Variants in MANEA observed in about 807,000 individuals in gnomAD.
MANEA encodes mannosidase endo-alpha, also known as glycoprotein endo-alpha-1,2-mannosidase.
In MANEA, 25 loss-of-function variants were observed where a neutral mutation model predicts 36.8. The ratio of observed to expected loss-of-function variants is 0.68; its 90% CI spans 0.50 to 0.95. The LOEUF is 0.95. Among genes scored for constraint, MANEA ranks in the 40% least tolerant of loss-of-function variants. MANEA has a pLI of 0.00. For synonymous variants in MANEA, 198 were observed against 188.5 expected (o/e 1.05, Z -0.41); for missense variants, 565 against 558.8 (o/e 1.01, Z -0.11).
Position 95,609,043 on chromosome 6 carries a change from C to T in MANEA, c.*2638C>T, listed in dbSNP as rs1769770509. 6.6e-6 allele frequency: 1 copy of T among 151,734 alleles called. No homozygotes were observed. Among genetic ancestry groups the T allele is most frequent in the African/African-American group, 2.4e-5 (1 of 41,382 alleles). The allele number at this position is 151,734 out of a possible 1,614,324, so 9.4% of individuals were successfully genotyped here. ...AGAGAGGAAAACTTTCAAAATCTTC[C>T]TCAGGTATTTATTACAACTGCCTTT... On this transcript the variant is annotated 3_prime_UTR_variant, in exon 5 of 5. Coordinates refer to ENST00000358812, the MANE Select transcript of MANEA (RefSeq NM_024641.4).
At chr6:95,591,660 C>T (rs1769387326) in intron 2 of MANEA, among the ~76,000 whole-genome samples, 1 of 151,168 alleles carries the variant, frequency 6.6e-6, no homozygotes, top group Non-Finnish European at 1.5e-5. Context: ...TAATCTGTTG[C>T]TTTGTGTCTT....
rs1660240250 is a variant in MANEA, at chr6:95,606,931, A to G, written c.*526A>G. 1 of 152,162 alleles carries G rather than the reference A, an allele frequency of 6.6e-6. No individual in the cohort carries two copies. The highest frequency in any genetic ancestry group is 2.4e-5 in the African/African-American group (1 of 41,446). 9.4% of individuals were successfully genotyped at this position (152,162 alleles called of 1,614,324 possible). On this transcript the variant is annotated 3_prime_UTR_variant, in exon 5 of 5. Transcript: ENST00000358812. The stretch of plus-strand genomic sequence containing the variant: ...TACAATAATGAGGAAATTCTTAAGA[A>G]TAACAAAATCACTGTACCTTCCTCT...
chr6:95,593,546 T>A (rs1769425206), intron 2 of MANEA, among the ~76,000 whole-genome samples: 1 of 152,236 alleles, frequency 6.6e-6, no homozygotes, highest in African/African-American at 2.4e-5. Flanking sequence ...ATTCTCTATC[T>A]GTGCTGCCTA....
intron 1 of MANEA, among the ~76,000 whole-genome samples, chr6:95,580,076 G>GT (rs1272957701): frequency 2.0e-5 from 3 of 152,016 alleles, no homozygotes; most frequent in Non-Finnish European, 2.9e-5. Flanking sequence ...GTTTTACAGC[G>GT]TTGAAGATGA....
chr6:95,603,318 C>G (rs1420863179), intron 3 of MANEA, among the ~76,000 whole-genome samples: 1 of 151,750 alleles, frequency 6.6e-6, no homozygotes, highest in East Asian at 1.9e-4. Context: ...AAGAATTACC[C>G]AAGGAAACAT....
At chr6:95,583,787 T>G (rs1430981231) in intron 1 of MANEA, among the ~76,000 whole-genome samples, 2 of 152,174 alleles carry the variant, frequency 1.3e-5, no homozygotes, top group Non-Finnish European at 2.9e-5. Flanking sequence ...AAACTAGACA[T>G]GTCTTTTATA....
chr6:95,596,839 A>T lies in MANEA; in HGVS notation c.647A>T (p.Asn216Ile). The change falls in exon 3 of 5, where the codon AAC (asparagine) becomes ATC (isoleucine). Residue 216 changes from asparagine (N) to isoleucine (I), a missense_variant. Asn to Ile is a moderately radical substitution (Grantham distance 149). Transcript: ENST00000358812. ...ATTTTGGATAAAGCTCATAAATATAACCTAAAGGTATTTTATTTTATTTTC... is the reference window on the plus strand; with the variant it reads ...ATTTTGGATAAAGCTCATAAATATATCCTAAAGGTATTTTATTTTATTTTC... ...PTILDKAHKY[N>I]LKVTFHIEPY... is the part of the protein sequence containing the mutation. The T allele has an allele frequency of 6.8e-7, 1 of 1,474,012 alleles. No individual in the cohort carries two copies. The highest frequency in any genetic ancestry group is 9.5e-7 in the Non-Finnish European group (1 of 1,054,328). The allele number at this position is 1,474,012 out of a possible 1,614,324, so 91.3% of individuals were successfully genotyped here. A position where few individuals can be genotyped will look rare whatever the true frequency, so the allele number is the denominator to read the frequency against.
At position 95,606,172 on chromosome 6, in the gene MANEA, C is replaced by T; in HGVS notation, c.1156C>T (p.Leu386=). 2 of 1,614,066 alleles carry T rather than the reference C, an allele frequency of 1.2e-6. No individual in the cohort carries two copies. The highest frequency in any genetic ancestry group is 1.7e-6 in the Non-Finnish European group (2 of 1,179,984). The change falls in exon 5 of 5, where the codon CTG becomes TTG. Residue 386 remains leucine, a synonymous_variant. Coordinates refer to ENST00000358812, the MANE Select transcript of MANEA (RefSeq NM_024641.4). ...RINGKYYEIG[L]SAALQTRPSL... ...CAATGGGAAGTATTATGAAATTGGT[C>T]TGAGTGCCGCACTTCAGACACGCCC... is the stretch of plus-strand genomic sequence containing the variant.
At chr6:95,592,920 T>C (rs1206914434) in intron 2 of MANEA, among the ~76,000 whole-genome samples, 1 of 152,192 alleles carries the variant, frequency 6.6e-6, no homozygotes, top group Non-Finnish European at 1.5e-5. Flanking sequence ...TGCATCACTT[T>C]ACTAACAACA....
Position 95,608,317 on chromosome 6 carries a change from T to C in MANEA, c.*1912T>C, listed in dbSNP as rs1007048084. The stretch of plus-strand genomic sequence containing the variant: ...ATCTACCACAGAGGAGTTTTTGTCA[T>C]TGTGTACGTTGTGTATTTGAACCCA... On this transcript the variant is annotated 3_prime_UTR_variant, in exon 5 of 5. Transcript: ENST00000358812. The C allele has an allele frequency of 6.6e-6, 1 of 151,934 alleles. No individual in the cohort carries two copies. The highest frequency in any genetic ancestry group is 1.9e-4 in the East Asian group (1 of 5,194). The allele number at this position is 151,934 out of a possible 1,614,324, so 9.4% of individuals were successfully genotyped here.
At chr6:95,592,473 T>G (rs1769402150) in intron 2 of MANEA, among the ~76,000 whole-genome samples, 1 of 152,214 alleles carries the variant, frequency 6.6e-6, no homozygotes, top group Non-Finnish European at 1.5e-5. Flanking sequence ...TTCTGTACCT[T>G]GTAAAATTTT....
chr6:95,605,636 T>A (rs775223635), intron 4 of MANEA, 112 bp from the exon 5 acceptor site: 90 of 684,842 alleles, frequency 1.3e-4, no homozygotes, highest in Middle Eastern at 2.9e-4. Flanking sequence ...CCCTAAGAAA[T>A]GGAGCAGTGT....
chr6:95,586,448 G>A lies in MANEA; in HGVS notation c.9G>A (p.Lys3=), dbSNP rs1316538283. Residue 3 remains lysine (K), a synonymous_variant, in exon 2 of 5, where the codon AAG becomes AAA. Coordinates refer to ENST00000358812, the MANE Select transcript of MANEA (RefSeq NM_024641.4). ...GTTTAAAGTATGTCATCATGGCAAA[G>A]TTTCGGAGAAGGACTTGCATCATTT... MA[K]FRRRTCIILA... is the part of the protein sequence containing the mutation. 1 of 1,605,412 alleles carries A rather than the reference G, an allele frequency of 6.2e-7. No individual in the cohort carries two copies. Among genetic ancestry groups the A allele is most frequent in the Middle Eastern group, 1.7e-4 (1 of 5,996 alleles).
intron 2 of MANEA, 37 bp downstream of exon 2, chr6:95,587,020 T>G (rs1259872162): frequency 9.6e-7 from 1 of 1,038,948 alleles, no homozygotes; most frequent in African/African-American, 1.6e-5. Flanking sequence ...TGTTTGTGTC[T>G]GTATATATGC....
chr6:95,591,456 A>T (rs971308962), intron 2 of MANEA, among the ~76,000 whole-genome samples: 1 of 151,900 alleles, frequency 6.6e-6, no homozygotes, highest in Non-Finnish European at 1.5e-5. Context: ...GCCGTAATTT[A>T]AAAAAATCTT....
chr6:95,578,991 G>A (rs1298777477), intron 1 of MANEA, among the ~76,000 whole-genome samples: 3 of 152,170 alleles, frequency 2.0e-5, no homozygotes, highest in Non-Finnish European at 4.4e-5. Flanking sequence ...ATTAACCTTA[G>A]ATTGGTTTCT....
At chr6:95,602,174 G>A (rs1219917255) in intron 3 of MANEA, among the ~76,000 whole-genome samples, 12 of 152,166 alleles carry the variant, frequency 7.9e-5, no homozygotes, top group Admixed American at 7.9e-4. Flanking sequence ...CAAATCATTA[G>A]TCCATTTATT....
At chr6:95,583,477 A>G (rs1386769861) in intron 1 of MANEA, among the ~76,000 whole-genome samples, 1 of 152,092 alleles carries the variant, frequency 6.6e-6, no homozygotes, top group South Asian at 2.1e-4. Context: ...GCCTTGATAT[A>G]TTTACAGTAT....
chr6:95,598,518 A>T (rs1182919837), intron 3 of MANEA, among the ~76,000 whole-genome samples: 1 of 152,170 alleles, frequency 6.6e-6, no homozygotes, highest in African/African-American at 2.4e-5. Flanking sequence ...AGAGTGAAAG[A>T]TCTGAGAGAG....
Sources: allele counts gnomAD v4.1 joint callset (sites outside exome capture counted in the v4.1 genomes callset), GRCh38; gene constraint gnomAD v4.1.1; transcripts MANE v1.5; gene names NCBI Gene and HGNC (gene_info 2026-07-23, HGNC 2026-07-21).